The following SLC24A3 variants were observed in gnomAD, a reference collection of about 807,000 sequenced individuals.
The protein encoded by SLC24A3 is sodium/potassium/calcium exchanger 3.
A neutral mutation model predicts 75.8 loss-of-function variants in SLC24A3; 28 were observed. The ratio of observed to expected loss-of-function variants is 0.37; its 90% confidence interval spans 0.27 to 0.51. SLC24A3 has a LOEUF of 0.51. SLC24A3 is among the 20% of genes least tolerant of loss of function. The pLI is 0.94. For missense variants in SLC24A3, 663 were observed against 847.8 expected (o/e 0.78, Z 2.71); for synonymous variants, 372 against 334.1 (o/e 1.11, Z -1.24).
At chr20:19,283,028 G>A (rs1215666648) in intron 2 of SLC24A3, 2 of 152,616 alleles carry the variant, frequency 1.3e-5, no homozygotes, top group Non-Finnish European at 1.5e-5. Flanking sequence ...AGGGAGGAGA[G>A]GAAAGGCTTC....
chr20:19,323,585 T>C (rs1216038031), intron 2 of SLC24A3, among the ~76,000 whole-genome samples: 2 of 152,182 alleles, frequency 1.3e-5, no homozygotes, highest in African/African-American at 4.8e-5. Flanking sequence ...CACACATCCC[T>C]AGCCTGCTGC....
At chr20:19,671,102 G>A (rs1043204523) in intron 8 of SLC24A3, among the ~76,000 whole-genome samples, 1 of 152,184 alleles carries the variant, frequency 6.6e-6, no homozygotes, top group African/African-American at 2.4e-5. Context: ...AGAGAAAGTC[G>A]GGCAGGGGCA....
At chr20:19,328,766 T>C (rs1984927590) in intron 2 of SLC24A3, among the ~76,000 whole-genome samples, 1 of 151,970 alleles carries the variant, frequency 6.6e-6, no homozygotes, top group African/African-American at 2.4e-5. Context: ...CATCTGGAGT[T>C]CAGGCTGCAG....
chr20:19,480,024 A>G (rs73292444), intron 2 of SLC24A3, among the ~76,000 whole-genome samples: 3,897 of 152,320 alleles, frequency 0.026, 181 homozygotes, highest in African/African-American at 0.087. Flanking sequence ...TGCATATTTC[A>G]TATAGTGGTT....
chr20:19,513,627 A>G (rs770605721), intron 2 of SLC24A3, among the ~76,000 whole-genome samples: 3 of 151,670 alleles, frequency 2.0e-5, no homozygotes, highest in Non-Finnish European at 4.4e-5. Context: ...AAATCCTCCC[A>G]TAATCATGAT....
At position 19,285,797 on chromosome 20, in the gene SLC24A3, G is replaced by A. The variant is rs552129143; in HGVS notation, c.271+4710G>A. Among the ~76,000 whole-genome samples, 195 of 151,844 alleles carry A rather than the reference G, an allele frequency of 1.3e-3. 1 individual carries two copies. The highest frequency in any genetic ancestry group is 3.4e-3 in the African/African-American group (140 of 41,424). Reference sequence around the variant, plus strand: ...TTTAACTTTGAATAATTTGATCCATGGAAAATTAAGTTAGCTAAATGTAAT... The same window carrying A: ...TTTAACTTTGAATAATTTGATCCATAGAAAATTAAGTTAGCTAAATGTAAT... On this transcript the variant is annotated intron_variant, in intron 2 of 16. Transcript: ENST00000328041.
chr20:19,721,184 A>C lies in SLC24A3; in HGVS notation c.*44A>C, dbSNP rs766771029. ...AGGCTCAGCTCCTTCTTTTCTGTGC[A>C]ATACGAGACCCGGCCGCACCCCGAG... On this transcript the variant is annotated 3_prime_UTR_variant, in exon 17 of 17. Transcript: ENST00000328041. The C allele has an allele frequency of 1.9e-5, 30 of 1,609,194 alleles. No individual in the cohort carries two copies. Among genetic ancestry groups the C allele is most frequent in the Non-Finnish European group, 2.3e-5 (27 of 1,178,436 alleles).
At chr20:19,458,908 A>G (rs1987623339) in intron 2 of SLC24A3, among the ~76,000 whole-genome samples, 1 of 152,216 alleles carries the variant, frequency 6.6e-6, no homozygotes, top group Admixed American at 6.5e-5. Flanking sequence ...ACTTTGACGG[A>G]CTTAAGAATT....
At chr20:19,481,245 TGAA>T (rs1988048450) in intron 2 of SLC24A3, among the ~76,000 whole-genome samples, 1 of 152,180 alleles carries the variant, frequency 6.6e-6, no homozygotes, top group African/African-American at 2.4e-5. Context: ...CAAAGTATGT[TGAA>T]GAAGATATTA....
chr20:19,522,597 G>A (rs1264174446), intron 3 of SLC24A3, among the ~76,000 whole-genome samples: 6 of 152,126 alleles, frequency 3.9e-5, no homozygotes, highest in South Asian at 4.1e-4. Context: ...CCCCGCAAAC[G>A]CCACCAAAGG....
At chr20:19,298,304 C>T (rs1031640929) in intron 2 of SLC24A3, among the ~76,000 whole-genome samples, 1 of 152,226 alleles carries the variant, frequency 6.6e-6, no homozygotes, top group Non-Finnish European at 1.5e-5. Flanking sequence ...CCCAGCAGAA[C>T]ACTTCATTGG....
intron 3 of SLC24A3, among the ~76,000 whole-genome samples, chr20:19,548,035 C>T (rs2030629603): frequency 1.3e-5 from 2 of 152,308 alleles, no homozygotes; most frequent in South Asian, 4.1e-4. Context: ...TTATTTTCTC[C>T]TCTGAATTAA....
chr20:19,604,301 G>A (rs1207395183), intron 6 of SLC24A3, among the ~76,000 whole-genome samples: 1 of 152,198 alleles, frequency 6.6e-6, no homozygotes, highest in African/African-American at 2.4e-5. Context: ...TATGAAGAGG[G>A]AATCTTGGGG....
At chr20:19,343,337 C>T (rs889408715) in intron 2 of SLC24A3, among the ~76,000 whole-genome samples, 8 of 152,034 alleles carry the variant, frequency 5.3e-5, no homozygotes, top group African/African-American at 1.9e-4. Context: ...TTGGGCAAGT[C>T]AGTTTACATC....
intron 6 of SLC24A3, among the ~76,000 whole-genome samples, chr20:19,606,908 G>A (rs1268038101): frequency 6.6e-6 from 1 of 152,178 alleles, no homozygotes; most frequent in Non-Finnish European, 1.5e-5. Flanking sequence ...TGTGGACAGT[G>A]TGCGGCCAAG....
intron 2 of SLC24A3, among the ~76,000 whole-genome samples, chr20:19,455,330 T>A (rs1435490766): frequency 6.6e-6 from 1 of 152,218 alleles, no homozygotes; most frequent in Admixed American, 6.5e-5. Context: ...ATCATCACTA[T>A]TAGGTAACCA....
intron 2 of SLC24A3, among the ~76,000 whole-genome samples, chr20:19,444,788 T>A (rs948363439): frequency 6.6e-6 from 1 of 152,096 alleles, no homozygotes; most frequent in East Asian, 1.9e-4. Context: ...ATTTTATCTA[T>A]TTTTTTAACC....
chr20:19,644,007 G>A (rs931849877), intron 6 of SLC24A3, among the ~76,000 whole-genome samples: 1 of 152,140 alleles, frequency 6.6e-6, no homozygotes, highest in African/African-American at 2.4e-5. Context: ...GAGCTTGGGG[G>A]GAGCAGGAAT....
At chr20:19,659,952 T>C (rs2032307769) in intron 7 of SLC24A3, among the ~76,000 whole-genome samples, 1 of 152,176 alleles carries the variant, frequency 6.6e-6, no homozygotes, top group African/African-American at 2.4e-5. Flanking sequence ...AATCTGGAAA[T>C]GATTGTATCT....
Sources: gnomAD v4.1 joint callset for allele counts (sites outside exome capture counted in the v4.1 genomes callset) on GRCh38, gnomAD v4.1.1 for gene constraint, MANE v1.5 for transcripts, NCBI Gene and HGNC (gene_info 2026-07-23, HGNC 2026-07-21) for gene names.